Variants in RAP1A observed in about 807,000 individuals in gnomAD.
RAP1A encodes the protein RAP1A, member of RAS oncogene family.
Under a neutral mutation model 26.4 loss-of-function variants are expected in RAP1A, and 6 were observed. The observed-to-expected ratio is 0.23, with a 90% CI of 0.12 to 0.45. The LOEUF is 0.45. Among genes scored for constraint, RAP1A ranks in the 20% least tolerant of loss-of-function variants. RAP1A has a pLI of 0.99. For missense variants in RAP1A, 121 were observed against 217.2 expected (o/e 0.56, Z 2.78); for synonymous variants, 73 against 79.4 (o/e 0.92, Z 0.43).
intron 1 of RAP1A, among the ~76,000 whole-genome samples, chr1:111,621,051 ATAAT>A (rs1349282679): frequency 6.6e-6 from 1 of 152,204 alleles, no homozygotes. Flanking sequence ...ATGAAATAGA[ATAAT>A]AGAGCAGAAG....
chr1:111,576,005 A>T (rs1442355366), intron 1 of RAP1A, among the ~76,000 whole-genome samples: 1 of 152,258 alleles, frequency 6.6e-6, no homozygotes, highest in East Asian at 1.9e-4. Context: ...ACACCTGAGG[A>T]CCTTGGGGGA....
At position 111,703,473 on chromosome 1, in the gene RAP1A, A is replaced by G; in HGVS notation, c.321A>G (p.Glu107=). 1 of 1,581,312 alleles carries G rather than the reference A, an allele frequency of 6.3e-7. No homozygotes were observed. Among genetic ancestry groups the G allele is most frequent in the South Asian group, 1.2e-5 (1 of 85,262 alleles). The part of the protein sequence containing the change: ...REQILRVKDT[E]DVPMILVGNK... ...AGATTTTACGGGTTAAGGACACGGAAGATGTAAGTATTTTTTCTCTCTGTA... is the reference window on the plus strand; with the variant it reads ...AGATTTTACGGGTTAAGGACACGGAGGATGTAAGTATTTTTTCTCTCTGTA... The change falls in exon 5 of 8, where the codon GAA becomes GAG. Residue 107 remains glutamate (E), a synonymous_variant. Transcript: ENST00000369709.
chr1:111,691,908 A>G (rs928434109), intron 2 of RAP1A, among the ~76,000 whole-genome samples: 4 of 152,198 alleles, frequency 2.6e-5, no homozygotes, highest in Non-Finnish European at 5.9e-5. Context: ...TGGAGCTTGC[A>G]TTATAGTGGA....
intron 1 of RAP1A, among the ~76,000 whole-genome samples, chr1:111,551,347 A>C (rs1657251021): frequency 6.6e-6 from 1 of 152,148 alleles, no homozygotes; most frequent in Non-Finnish European, 1.5e-5. Context: ...TTCTGTGTTA[A>C]ATAGACACTT....
At chr1:111,641,634 CGTGTGTGT>C (rs138608546) in intron 1 of RAP1A, among the ~76,000 whole-genome samples, 2 of 151,082 alleles carry the variant, frequency 1.3e-5, no homozygotes, top group African/African-American at 4.9e-5. Context: ...GGGGTGTGTG[CGTGTGTGT>C]GTGTGTGCGC....
At chr1:111,676,462 T>G (rs1220917298) in intron 1 of RAP1A, among the ~76,000 whole-genome samples, 2 of 151,574 alleles carry the variant, frequency 1.3e-5, no homozygotes, top group Non-Finnish European at 2.9e-5. Flanking sequence ...AAGGTGAGAT[T>G]TGGGTGGGGA....
At chr1:111,618,820 T>TAAATA (rs112405146), upstream of RAP1A, among the ~76,000 whole-genome samples, 51,539 of 150,946 alleles carry the variant, frequency 0.34, 9,228 homozygotes, top group East Asian at 0.45. Context: ...AAAATGTATC[T>TAAATA]AAATAAAATA....
upstream of RAP1A, among the ~76,000 whole-genome samples, chr1:111,617,667 C>T (rs947535500): frequency 1.2e-4 from 18 of 151,860 alleles, 1 homozygote; most frequent in East Asian, 2.8e-3. Flanking sequence ...ATCTCCTGAC[C>T]TCGTGATCCA....
intron 1 of RAP1A, among the ~76,000 whole-genome samples, chr1:111,640,009 G>A (rs1659845157): frequency 6.6e-6 from 1 of 152,206 alleles, no homozygotes; most frequent in African/African-American, 2.4e-5. Flanking sequence ...TAACCTAAAT[G>A]CTTTGTGAAT....
chr1:111,547,806 G>A (rs1378563350), intron 1 of RAP1A, among the ~76,000 whole-genome samples: 2 of 152,212 alleles, frequency 1.3e-5, no homozygotes, highest in Non-Finnish European at 2.9e-5. Context: ...TCATGGTGGA[G>A]AAAGACTCTC....
chr1:111,684,139 C>G (rs1557891019), intron 1 of RAP1A, among the ~76,000 whole-genome samples: 1 of 152,122 alleles, frequency 6.6e-6, no homozygotes, highest in East Asian at 1.9e-4. Context: ...TCTCAATAAA[C>G]TAGGTACTGA....
intron 1 of RAP1A, among the ~76,000 whole-genome samples, chr1:111,592,604 G>C (rs1026306210): frequency 6.6e-6 from 1 of 152,190 alleles, no homozygotes; most frequent in East Asian, 1.9e-4. Context: ...TATTCCCAAA[G>C]AGCAATGACG....
chr1:111,679,670 C>G (rs753613262), intron 1 of RAP1A, among the ~76,000 whole-genome samples: 3 of 152,166 alleles, frequency 2.0e-5, no homozygotes, highest in Non-Finnish European at 4.4e-5. Flanking sequence ...GCTGGAAATT[C>G]TCTGCACAGC....
intron 1 of RAP1A, among the ~76,000 whole-genome samples, chr1:111,673,929 A>T (rs1025533869): frequency 6.6e-6 from 1 of 152,174 alleles, no homozygotes; most frequent in East Asian, 1.9e-4. Context: ...AATTTTCTAT[A>T]CATACTCTGT....
chr1:111,648,231 C>A, intron 1 of RAP1A: 3 of 463,494 alleles, frequency 6.5e-6, no homozygotes, highest in Non-Finnish European at 7.8e-6. Context: ...CTTCCAGTGA[C>A]CTTTGAACTT....
intron 1 of RAP1A, among the ~76,000 whole-genome samples, chr1:111,634,357 T>C (rs1659660503): frequency 6.6e-6 from 1 of 152,006 alleles, no homozygotes. Flanking sequence ...TTTTAAAAAG[T>C]TCTCTATTGT....
At chr1:111,678,257 G>A (rs1661186782) in intron 1 of RAP1A, among the ~76,000 whole-genome samples, 1 of 152,116 alleles carries the variant, frequency 6.6e-6, no homozygotes, top group Non-Finnish European at 1.5e-5. Flanking sequence ...CTAATATATG[G>A]CATAGCTCTC....
chr1:111,640,980 C>G (rs1659872254), intron 1 of RAP1A, among the ~76,000 whole-genome samples: 1 of 151,922 alleles, frequency 6.6e-6, no homozygotes, highest in South Asian at 2.1e-4. Context: ...CAAAAAACAC[C>G]ACTATTTTTG....
intron 1 of RAP1A, among the ~76,000 whole-genome samples, chr1:111,548,694 G>A (rs72695240): frequency 0.046 from 6,956 of 152,180 alleles, 219 homozygotes; most frequent in Non-Finnish European, 0.073. Context: ...GTCTGCCACC[G>A]TAGGCTTCAT....
Sources: gnomAD v4.1 joint callset for allele counts (sites outside exome capture counted in the v4.1 genomes callset) on GRCh38, gnomAD v4.1.1 for gene constraint, MANE v1.5 for transcripts, NCBI Gene and HGNC (gene_info 2026-07-23, HGNC 2026-07-21) for gene names.